The following CEP152 variants were observed in gnomAD, a reference collection of about 807,000 sequenced individuals.
CEP152 encodes centrosomal protein 152.
CEP152 carries 132 observed loss-of-function variants against 188.9 expected under a neutral mutation model. That is an observed-to-expected ratio of 0.70 (90% CI 0.61 to 0.81). The LOEUF (loss-of-function observed/expected upper bound fraction) is 0.81. Ranked by LOEUF, CEP152 falls within the 30% of genes least tolerant of loss-of-function variation. The probability of loss-of-function intolerance (pLI) is 0.00; values close to 1 mark genes in which losing one functional copy is unlikely to be tolerated. For missense variants in CEP152, 1,914 were observed against 1,969.8 expected (o/e 0.97, Z 0.54); for synonymous variants, 649 against 666.6 (o/e 0.97, Z 0.41).
chr15:48,789,192 A>G, intron 8 of CEP152, 191 bp from the exon 9 acceptor site: 2 of 611,982 alleles, frequency 3.3e-6, no homozygotes, highest in Middle Eastern at 4.4e-4. Flanking sequence ...CCAGGCCCAT[A>G]GTTGTTGGAA....
intron 13 of CEP152, 46 bp downstream of exon 13, chr15:48,772,441 T>A (rs745693593): frequency 1.3e-6 from 2 of 1,528,184 alleles, no homozygotes; most frequent in Non-Finnish European, 1.8e-6. Context: ...GTTTTCTTTA[T>A]TGAGCCTTTT....
chr15:48,787,775 A>G (rs916265464), intron 9 of CEP152, among the ~76,000 whole-genome samples: 6 of 152,154 alleles, frequency 3.9e-5, no homozygotes, highest in African/African-American at 2.4e-5. Flanking sequence ...AGTTAAATCA[A>G]TTTTGAAATT....
At chr15:48,769,760 A>G (rs752042155) in intron 13 of CEP152, among the ~76,000 whole-genome samples, 1 of 152,188 alleles carries the variant, frequency 6.6e-6, no homozygotes, top group Non-Finnish European at 1.5e-5. Flanking sequence ...GTATTCATTT[A>G]TGTCAGCATT....
chr15:48,758,346 T>C (rs1017682246), intron 19 of CEP152, among the ~76,000 whole-genome samples: 1 of 152,194 alleles, frequency 6.6e-6, no homozygotes, highest in African/African-American at 2.4e-5. Context: ...ACATTATTTT[T>C]TGTGGCTGAT....
chr15:48,741,876 A>C, intron 25 of CEP152, 71 bp downstream of exon 25: 1 of 1,613,734 alleles, frequency 6.2e-7, no homozygotes, highest in Non-Finnish European at 8.5e-7. Flanking sequence ...TTAGTGGTTA[A>C]GGAAAATGCT....
intron 12 of CEP152, among the ~76,000 whole-genome samples, chr15:48,777,466 TTGTGTGTG>T (rs35650877): frequency 4.8e-5 from 7 of 147,354 alleles, no homozygotes; most frequent in African/African-American, 7.5e-5. Context: ...TCTTAGAATA[TTGTGTGTG>T]TGTGTGTGTG....
At chr15:48,769,460 G>A (rs1021161695) in intron 13 of CEP152, among the ~76,000 whole-genome samples, 2 of 152,106 alleles carry the variant, frequency 1.3e-5, no homozygotes, top group African/African-American at 4.8e-5. Context: ...TATTTTGTGG[G>A]ATGTTCCTCA....
chr15:48,740,102 G>A (rs1214172345), intron 26 of CEP152, among the ~76,000 whole-genome samples: 6 of 152,122 alleles, frequency 3.9e-5, no homozygotes, highest in African/African-American at 1.4e-4. Context: ...CAGTGTGATT[G>A]GGAATTTACC....
intron 1 of CEP152, among the ~76,000 whole-genome samples, chr15:48,809,952 G>A (rs951809847): frequency 6.6e-6 from 1 of 152,182 alleles, no homozygotes; most frequent in Admixed American, 6.5e-5. Context: ...GCCCTCCCAA[G>A]CCTGTTCCCC....
At chr15:48,730,337 G>C (rs537997467) in intron 2 of CEP152, among the ~76,000 whole-genome samples, 1 of 152,328 alleles carries the variant, frequency 6.6e-6, no homozygotes, top group Admixed American at 6.5e-5. Flanking sequence ...AAGATGCATA[G>C]CTCCGCTAGT....
At chr15:48,781,463 A>C (rs1896237865) in intron 11 of CEP152, 104 bp from the exon 12 acceptor site, 2 of 836,404 alleles carry the variant, frequency 2.4e-6, no homozygotes, top group South Asian at 1.6e-5. Flanking sequence ...GAGGCAAAAA[A>C]ACTTCTTCAA....
chr15:48,803,017 C>T (rs1395905711), intron 2 of CEP152, among the ~76,000 whole-genome samples: 3 of 152,250 alleles, frequency 2.0e-5, no homozygotes, highest in South Asian at 2.1e-4. Flanking sequence ...CCAAGACAGG[C>T]TCTCACAAAC....
chr15:48,757,180 A>G (rs1291271916), intron 19 of CEP152, among the ~76,000 whole-genome samples: 6 of 152,192 alleles, frequency 3.9e-5, no homozygotes, highest in Non-Finnish European at 7.4e-5. Flanking sequence ...CAATCCTGAC[A>G]CCAATTTGCA....
chr15:48,749,728 T>C (rs912313982), intron 21 of CEP152, among the ~76,000 whole-genome samples: 22 of 151,818 alleles, frequency 1.4e-4, no homozygotes, highest in African/African-American at 5.1e-4. Context: ...AATGTCAATG[T>C]CATGAAAGAC....
chr15:48,796,017 A>C lies in CEP152; in HGVS notation c.684T>G (p.Ala228=). 6.2e-7 allele frequency: 1 copy of C among 1,613,808 alleles called. No homozygotes were observed. Among genetic ancestry groups the C allele is most frequent in the Non-Finnish European group, 8.5e-7 (1 of 1,179,750 alleles). ...FEGLQQQFLG[A]NENSAENMQI... is the part of the protein sequence containing the mutation. ...TATAAACTTGATACCTACTCTCATTAGCTCCTAAAAATTGTTGTTGCAGGC... is the reference window on the plus strand; with the variant it reads ...TATAAACTTGATACCTACTCTCATTCGCTCCTAAAAATTGTTGTTGCAGGC... Residue 228 remains alanine (A), a synonymous_variant, in exon 6 of 27, where the codon GCT becomes GCG. Transcript: ENST00000380950.
In CEP152 at chr15:48,752,880, C is replaced by A. The variant is rs551437802; in HGVS notation, c.3346-411G>T. Among the ~76,000 whole-genome samples, 11 of 152,268 alleles carry A rather than the reference C, an allele frequency of 7.2e-5. No individual in the cohort carries two copies. The South Asian group carries it at 2.3e-3, about 32-fold the overall frequency. On this transcript the variant is annotated intron_variant, in intron 20 of 26. Transcript: ENST00000380950. Reference sequence around the variant, plus strand: ...AGTTAATTAGCAAGTATAATGCTAACCCTCTGCCTCCTATGAATTGAAAAT... The same window carrying A: ...AGTTAATTAGCAAGTATAATGCTAAACCTCTGCCTCCTATGAATTGAAAAT...
In CEP152 at chr15:48,762,735, A is replaced by C. The variant is rs531370691; in HGVS notation, c.2281-63T>G. On this transcript the variant is annotated intron_variant, in intron 17 of 26. Coordinates refer to ENST00000380950, the MANE Select transcript of CEP152 (RefSeq NM_001194998.2). ...TTCAAATAAGTAAAAACTAGAATTA[A>C]AAGCTAGCCAGAAAAGCAACCACAG... 585 of 1,537,328 alleles carry C rather than the reference A, an allele frequency of 3.8e-4. 4 individuals are homozygous for C. In the African/African-American group the frequency reaches 7.0e-3, roughly 19 times the overall value.
intron 7 of CEP152, 68 bp from the exon 8 acceptor site, chr15:48,791,444 C>A: frequency 7.5e-7 from 1 of 1,326,526 alleles, no homozygotes; most frequent in South Asian, 1.2e-5. Context: ...CAATCCCAAT[C>A]AGATGTCACG....
At chr15:48,793,701 T>A (rs1473615643) in intron 6 of CEP152, among the ~76,000 whole-genome samples, 2 of 152,194 alleles carry the variant, frequency 1.3e-5, no homozygotes, top group Non-Finnish European at 2.9e-5. Context: ...TATAGATACA[T>A]GTTGTACACC....
Sources: gnomAD v4.1 joint callset for allele counts (sites outside exome capture counted in the v4.1 genomes callset) on GRCh38, gnomAD v4.1.1 for gene constraint, MANE v1.5 for transcripts, NCBI Gene and HGNC (gene_info 2026-07-23, HGNC 2026-07-21) for gene names.